PDK1: variants seen among roughly 807,000 people sequenced by gnomAD.
PDK1 encodes the protein [Pyruvate dehydrogenase (acetyl-transferring)] kinase isozyme 1, mitochondrial.
PDK1 carries 39 observed loss-of-function variants against 54.2 expected under a neutral mutation model. The ratio of observed to expected loss-of-function variants is 0.72; its 90% CI spans 0.56 to 0.94. The LOEUF is 0.94. Among genes scored for constraint, PDK1 ranks in the 40% least tolerant of loss-of-function variants. The pLI is 0.00. For synonymous variants in PDK1, 221 were observed against 207.1 expected (o/e 1.07, Z -0.58); for missense variants, 552 against 566.0 (o/e 0.98, Z 0.25).
At chr2:172,583,759 T>G (rs1350715193) in intron 8 of PDK1, among the ~76,000 whole-genome samples, 1 of 152,124 alleles carries the variant, frequency 6.6e-6, no homozygotes, top group Non-Finnish European at 1.5e-5. Context: ...ATATATATAC[T>G]GTAACAATTT....
chr2:172,578,335 T>C (rs1689689061), intron 8 of PDK1, among the ~76,000 whole-genome samples: 2 of 152,212 alleles, frequency 1.3e-5, no homozygotes, highest in Admixed American at 6.5e-5. Flanking sequence ...CTAGTGAAAT[T>C]TTCATTTCGT....
the PDK1 span, among the ~76,000 whole-genome samples, chr2:172,622,348 G>A: frequency 0.016 from 1,434 of 92,370 alleles, 65 homozygotes; most frequent in African/African-American, 0.082. Flanking sequence ...CTCATATATT[G>A]TGTGAGATAT....
chr2:172,603,694 T>A lies in PDK1; in HGVS notation c.*7725T>A, dbSNP rs964173407. ...GCAAGGTCCAAGTGATTTTCTCTGG[T>A]GAATGTCGATGTGGATCTAGTCTCC... On this transcript the variant is annotated 3_prime_UTR_variant, in exon 11 of 11. Transcript: ENST00000282077. 6.6e-6 allele frequency: 1 copy of A among 152,176 alleles called. No homozygotes were observed. The highest frequency in any genetic ancestry group is 2.4e-5 in the African/African-American group (1 of 41,444). The allele number at this position is 152,176 out of a possible 1,614,324, so 9.4% of individuals were successfully genotyped here. A position where few individuals can be genotyped will look rare whatever the true frequency, so the allele number is the denominator to read the frequency against.
chr2:172,683,359 A>C, the PDK1 span, among the ~76,000 whole-genome samples: 1 of 151,516 alleles, frequency 6.6e-6, no homozygotes, highest in Admixed American at 6.6e-5. Context: ...AAAAAAAAAA[A>C]AACAACTTAT....
At chr2:172,660,202 G>A in the PDK1 span, among the ~76,000 whole-genome samples, 1 of 138,466 alleles carries the variant, frequency 7.2e-6, no homozygotes, top group Non-Finnish European at 1.5e-5. Context: ...TAATTAACAT[G>A]TCAGTGTATC....
intron 8 of PDK1, among the ~76,000 whole-genome samples, chr2:172,577,064 T>C (rs1689619891): frequency 6.6e-6 from 1 of 152,230 alleles, no homozygotes; most frequent in Non-Finnish European, 1.5e-5. Flanking sequence ...TCTCCAATTA[T>C]TGTTGAATTG....
At chr2:172,693,546 T>C in the PDK1 span, among the ~76,000 whole-genome samples, 3 of 152,226 alleles carry the variant, frequency 2.0e-5, no homozygotes, top group Non-Finnish European at 4.4e-5. Context: ...CCTGATGCTA[T>C]ATGAGTGTTT....
chr2:172,586,445 A>G, intron 9 of PDK1, 57 bp downstream of exon 9: 1 of 1,046,044 alleles, frequency 9.6e-7, no homozygotes, highest in South Asian at 1.3e-5. Context: ...CACATGCTGT[A>G]GCTGCCAAAT....
chr2:172,585,758 T>C (rs1690186831), intron 8 of PDK1, among the ~76,000 whole-genome samples: 1 of 152,078 alleles, frequency 6.6e-6, no homozygotes, highest in African/African-American at 2.4e-5. Flanking sequence ...GCCACAGCAG[T>C]ATTATGATGG....
At chr2:172,591,265 C>T (rs1183006232) in intron 9 of PDK1, among the ~76,000 whole-genome samples, 2 of 152,262 alleles carry the variant, frequency 1.3e-5, no homozygotes, top group African/African-American at 2.4e-5. Context: ...CCATGTTGCC[C>T]AACTCCAGAG....
the PDK1 span, among the ~76,000 whole-genome samples, chr2:172,622,098 C>T: frequency 7.4e-6 from 1 of 134,270 alleles, no homozygotes; most frequent in Non-Finnish European, 1.7e-5. Context: ...ATGTTTATAT[C>T]TCATATATTA....
the PDK1 span, among the ~76,000 whole-genome samples, chr2:172,618,594 G>A: frequency 6.6e-6 from 1 of 152,172 alleles, no homozygotes; most frequent in African/African-American, 2.4e-5. Flanking sequence ...CTCTGCACCT[G>A]GAAAAGTTAT....
At chr2:172,577,259 A>G (rs937907930) in intron 8 of PDK1, among the ~76,000 whole-genome samples, 1 of 152,122 alleles carries the variant, frequency 6.6e-6, no homozygotes, top group Non-Finnish European at 1.5e-5. Context: ...TAGTGTAACC[A>G]TCCCAACTCT....
chr2:172,673,590 C>T, the PDK1 span, among the ~76,000 whole-genome samples: 1 of 152,142 alleles, frequency 6.6e-6, no homozygotes, highest in African/African-American at 2.4e-5. Flanking sequence ...GGAGGGCCCT[C>T]TCCTGTCCTG....
At chr2:172,717,103 G>C in the PDK1 span, among the ~76,000 whole-genome samples, 8 of 152,178 alleles carry the variant, frequency 5.3e-5, no homozygotes, top group Non-Finnish European at 1.2e-4. Context: ...TACCAGGGTT[G>C]GCCAATGGAA....
chr2:172,687,467 G>C, the PDK1 span, among the ~76,000 whole-genome samples: 1 of 152,020 alleles, frequency 6.6e-6, no homozygotes, highest in African/African-American at 2.4e-5. Context: ...GGGAATATTA[G>C]AAGAGGGAAG....
chr2:172,648,598 A>G, the PDK1 span, among the ~76,000 whole-genome samples: 1 of 152,170 alleles, frequency 6.6e-6, no homozygotes, highest in African/African-American at 2.4e-5. Context: ...GGAAGCCATG[A>G]CAGATGGTAC....
chr2:172,722,106 C>T, the PDK1 span, among the ~76,000 whole-genome samples: 1 of 152,378 alleles, frequency 6.6e-6, no homozygotes, highest in East Asian at 1.9e-4. Context: ...ATGCTCCTTC[C>T]CTTACCACCA....
chr2:172,713,352 G>A, the PDK1 span, among the ~76,000 whole-genome samples: 1 of 152,206 alleles, frequency 6.6e-6, no homozygotes, highest in Non-Finnish European at 1.5e-5. Flanking sequence ...CAGGCTTCAG[G>A]TGGGGTTTTA....
Sources: allele counts gnomAD v4.1 joint callset (sites outside exome capture counted in the v4.1 genomes callset), GRCh38; gene constraint gnomAD v4.1.1; transcripts MANE v1.5; gene names NCBI Gene and HGNC (gene_info 2026-07-23, HGNC 2026-07-21).